Variants in ARMC7 observed in about 807,000 individuals in gnomAD.
The protein encoded by ARMC7 is armadillo repeat-containing protein 7.
Under a neutral mutation model 14.8 loss-of-function variants are expected in ARMC7, and 9 were observed. The ratio of observed to expected loss-of-function variants is 0.61; its 90% CI spans 0.37 to 1.06. The LOEUF (loss-of-function observed/expected upper bound fraction) is 1.06, where lower values mean the gene tolerates loss of function less well. Among genes scored for constraint, ARMC7 ranks in the 50% least tolerant of loss-of-function variants. The pLI is 0.01. For missense variants in ARMC7, 262 were observed against 267.1 expected, an observed-to-expected ratio of 0.98 and a Z score of 0.13; for synonymous variants, 125 against 123.4, an observed-to-expected ratio of 1.01 and a Z score of -0.09.
At chr17:75,127,261 T>G (rs577273867) in intron 2 of ARMC7, among the ~76,000 whole-genome samples, 1 of 152,270 alleles carries the variant, frequency 6.6e-6, no homozygotes, top group Non-Finnish European at 1.5e-5. Flanking sequence ...TACTAAATAC[T>G]TACATATATT....
In ARMC7 at chr17:75,129,079, GACC is replaced by G. The variant is rs1258346987; in HGVS notation, c.*44_*46del. The stretch of plus-strand genomic sequence containing the variant: ...AGACCGTGGCACCCCTACTGCTGGA[GACC>G]ACAGTCCTGATGTGGACGCAGGGAA... On this transcript the variant is annotated 3_prime_UTR_variant, in exon 3 of 3. Transcript: ENST00000245543. The G allele has an allele frequency of 6.4e-7, 1 of 1,558,302 alleles. No individual in the cohort carries two copies. The highest frequency in any genetic ancestry group is 1.2e-5 in the South Asian group (1 of 84,566).
rs2073897119 is a variant in ARMC7, at chr17:75,110,141, A to G, written c.-148A>G. 2 of 701,658 alleles carry G rather than the reference A, an allele frequency of 2.9e-6. No homozygotes were observed. Among genetic ancestry groups the G allele is most frequent in the Non-Finnish European group, 4.7e-6 (2 of 429,896 alleles). The allele number at this position is 701,658 out of a possible 1,614,324, so 43.5% of individuals were successfully genotyped here. Reference sequence around the variant, plus strand: ...CCCATTTCCAGCTGCAAATTACTGCAGAATCTGAACCCAGGAAAGAAACCC... The same window carrying G: ...CCCATTTCCAGCTGCAAATTACTGCGGAATCTGAACCCAGGAAAGAAACCC... On this transcript the variant is annotated 5_prime_UTR_variant, in exon 1 of 3. Transcript: ENST00000245543.
chr17:75,126,307 G>T (rs2074051001), intron 2 of ARMC7, among the ~76,000 whole-genome samples: 1 of 152,144 alleles, frequency 6.6e-6, no homozygotes, highest in Non-Finnish European at 1.5e-5. Flanking sequence ...CATTGAGGGG[G>T]CCTGACTTGA....
At chr17:75,111,302 C>T (rs1455618283) in intron 2 of ARMC7, among the ~76,000 whole-genome samples, 4 of 151,014 alleles carry the variant, frequency 2.6e-5, no homozygotes, top group Non-Finnish European at 5.9e-5. Context: ...AAAAATTAGC[C>T]GGGCATGGTG....
intron 2 of ARMC7, chr17:75,114,228 A>AGGG (rs2073955747): frequency 2.5e-6 from 1 of 401,220 alleles, no homozygotes; most frequent in Middle Eastern, 3.1e-4. Context: ...AATCTCCACC[A>AGGG]GGGGGCGATA....
In ARMC7 at chr17:75,129,210, G is replaced by T; in HGVS notation, c.*172G>T. On this transcript the variant is annotated 3_prime_UTR_variant, in exon 3 of 3. Transcript: ENST00000245543. ...ACTGATGAAACGCCACTGGGAGTGA[G>T]GAAGCCAGACTCCAGAGACACGGAG... is the stretch of plus-strand genomic sequence containing the variant. 1 of 931,924 alleles carries T rather than the reference G, an allele frequency of 1.1e-6. No homozygotes were observed. Among genetic ancestry groups the T allele is most frequent in the South Asian group, 1.9e-5 (1 of 53,148 alleles). 57.7% of individuals were successfully genotyped at this position (931,924 alleles called of 1,614,324 possible).
intron 2 of ARMC7, among the ~76,000 whole-genome samples, chr17:75,126,864 C>G (rs1400668016): frequency 6.6e-6 from 1 of 151,986 alleles, no homozygotes; most frequent in Non-Finnish European, 1.5e-5. Context: ...AGTTCGAGAC[C>G]AGCCTGGCCA....
At chr17:75,123,709 G>A (rs900423010) in intron 2 of ARMC7, among the ~76,000 whole-genome samples, 10 of 152,060 alleles carry the variant, frequency 6.6e-5, no homozygotes, top group Admixed American at 2.6e-4. Context: ...TTAGGAGTTC[G>A]AGATTAGCCT....
intron 2 of ARMC7, 136 bp from the exon 3 acceptor site, chr17:75,128,541 G>A: frequency 2.4e-6 from 3 of 1,253,944 alleles, no homozygotes. Context: ...GAAGGCAGGA[G>A]CCGGAATGGG....
chr17:75,110,391 G>A lies in ARMC7; in HGVS notation c.91+12G>A. 1 of 1,614,170 alleles carries A rather than the reference G, an allele frequency of 6.2e-7. No individual in the cohort carries two copies. The highest frequency in any genetic ancestry group is 1.1e-5 in the South Asian group (1 of 91,084). On this transcript the variant is annotated intron_variant, in intron 1 of 2. Transcript: ENST00000245543. Reference sequence around the variant, plus strand: ...GACCCAAAGCCAAGGTGAGAGCCACGGTGGGATCAGGTGGCAGGGTCCGCT... The same window carrying A: ...GACCCAAAGCCAAGGTGAGAGCCACAGTGGGATCAGGTGGCAGGGTCCGCT...
Position 75,110,953 on chromosome 17 carries a change from C to CAAAAAAAAAA in ARMC7, c.235+362_235+371dup, listed in dbSNP as rs537195116. On this transcript the variant is annotated intron_variant, in intron 2 of 2. Transcript: ENST00000245543. ...CGGGGACAAGAGTGAGACCCCGTCT[C>CAAAAAAAAAA]AAAAAAAAAAAAAAAAAAAAAAAAG... 1.0e-4 allele frequency among the ~76,000 whole-genome samples: 5 copies of CAAAAAAAAAA among 49,810 alleles called. 1 individual carries two copies. Among genetic ancestry groups the CAAAAAAAAAA allele is most frequent in the African/African-American group, 2.9e-4 (4 of 13,742 alleles). 32.7% of individuals were successfully genotyped at this position (49,810 alleles called of 152,430 possible).
At chr17:75,112,573 C>CTTTTTTTTTTTTTTTTTTTTTTTTTTTCT (rs549730217) in intron 2 of ARMC7, among the ~76,000 whole-genome samples, 1 of 100,460 alleles carries the variant, frequency 1.0e-5, no homozygotes, top group African/African-American at 3.5e-5. Flanking sequence ...TTCTCTTTTT[C>CTTTTTTTTTTTTTTTTTTTTTTTTTTTCT]TTTTTTTTTT....
rs2073955747 is a variant in ARMC7 at position 75,114,228 on chromosome 17, AG to A, written c.235+3627del. ...AGAAGCATGTGGCTAAATCTCCACC[AG>A]GGGGCGATAGAGCTCCTCCAAATCA... On this transcript the variant is annotated intron_variant, in intron 2 of 2. Transcript: ENST00000245543. 5 of 401,220 alleles carry A rather than the reference AG, an allele frequency of 1.2e-5. No homozygotes were observed. In the Middle Eastern group the frequency reaches 1.2e-3, roughly 100 times the overall value. 24.9% of individuals were successfully genotyped at this position (401,220 alleles called of 1,614,324 possible). A position where few individuals can be genotyped will look rare whatever the true frequency, so the allele number is the denominator to read the frequency against.
chr17:75,127,796 T>C (rs926224780), intron 2 of ARMC7, among the ~76,000 whole-genome samples: 2 of 152,142 alleles, frequency 1.3e-5, no homozygotes, highest in Non-Finnish European at 1.5e-5. Flanking sequence ...AGTTTTGCCA[T>C]GTCGCCAAGG....
intron 2 of ARMC7, chr17:75,114,807 A>G: frequency 2.5e-6 from 1 of 398,310 alleles, no homozygotes; most frequent in Non-Finnish European, 4.4e-6. Context: ...TGAAATTTCA[A>G]CATGCAAATG....
chr17:75,114,125 A>T (rs2145119453), intron 2 of ARMC7: 1 of 401,278 alleles, frequency 2.5e-6, no homozygotes, highest in South Asian at 1.3e-4. Flanking sequence ...TTGGTCTCTA[A>T]AACGTCCTCC....
chr17:75,124,366 G>A (rs1397697213), intron 2 of ARMC7, among the ~76,000 whole-genome samples: 1 of 152,160 alleles, frequency 6.6e-6, no homozygotes, highest in African/African-American at 2.4e-5. Flanking sequence ...TGGCTCTCCT[G>A]AGGCCTCCTC....
chr17:75,111,932 G>A (rs1327275195), intron 2 of ARMC7, among the ~76,000 whole-genome samples: 1 of 151,434 alleles, frequency 6.6e-6, no homozygotes, highest in African/African-American at 2.5e-5. Context: ...AACAGCTTAG[G>A]GAAAGGTCTT....
At chr17:75,121,708 G>A (rs2074015113) in intron 2 of ARMC7, among the ~76,000 whole-genome samples, 1 of 151,986 alleles carries the variant, frequency 6.6e-6, no homozygotes, top group South Asian at 2.1e-4. Context: ...GCCACTGCAC[G>A]CAGCAGCAGT....
Sources: allele counts gnomAD v4.1 joint callset (sites outside exome capture counted in the v4.1 genomes callset), GRCh38; gene constraint gnomAD v4.1.1; transcripts MANE v1.5; gene names NCBI Gene and HGNC (gene_info 2026-07-23, HGNC 2026-07-21).